KCNMB2: variants seen among roughly 807,000 people sequenced by gnomAD.
The protein encoded by KCNMB2 is potassium calcium-activated channel subfamily M regulatory beta subunit 2.
KCNMB2 carries 9 observed loss-of-function variants against 24.5 expected under a neutral mutation model. That is an observed-to-expected ratio of 0.37 (90% CI 0.22 to 0.64). The LOEUF (loss-of-function observed/expected upper bound fraction) is 0.64, where lower values mean the gene tolerates loss of function less well. Ranked by LOEUF, KCNMB2 falls within the 30% of genes least tolerant of loss-of-function variation. KCNMB2 has a pLI of 0.63. For missense variants in KCNMB2, 226 were observed against 284.3 expected, an observed-to-expected ratio of 0.79 and a Z score of 1.47; for synonymous variants, 109 against 104.4, an observed-to-expected ratio of 1.04 and a Z score of -0.27.
chr3:178,638,061 C>T (rs981240319), intron 1 of KCNMB2, among the ~76,000 whole-genome samples: 1 of 152,118 alleles, frequency 6.6e-6, no homozygotes, highest in Non-Finnish European at 1.5e-5. Flanking sequence ...ATAGCAGTTA[C>T]GTCCTCTTCA....
intron 1 of KCNMB2, among the ~76,000 whole-genome samples, chr3:178,749,985 G>A (rs1209501480): frequency 6.6e-6 from 1 of 152,202 alleles, no homozygotes; most frequent in Admixed American, 6.5e-5. Flanking sequence ...GCATGGACAT[G>A]AAAATCACAG....
rs115679725 is a variant in KCNMB2 at position 178,662,930 on chromosome 3, T to C, written c.-68+126219T>C. 5.2e-3 allele frequency among the ~76,000 whole-genome samples: 798 copies of C among 152,254 alleles called. 5 individuals carry two copies. The highest frequency in any genetic ancestry group is 0.018 in the African/African-American group (755 of 41,562). On this transcript the variant is annotated intron_variant, in intron 1 of 4. Coordinates refer to ENST00000452583, the MANE Select transcript of KCNMB2 (RefSeq NM_181361.3). The stretch of plus-strand genomic sequence containing the variant: ...AATGTATCAGGTAGCTACTATTATA[T>C]ACAAAACCACCCAGAAACACAGTAG...
intron 1 of KCNMB2, among the ~76,000 whole-genome samples, chr3:178,758,632 C>A (rs570099527): frequency 0.013 from 76 of 6,064 alleles, 7 homozygotes; most frequent in African/African-American, 0.024. Flanking sequence ...ATATATATAT[C>A]TCTCTCTCCA....
chr3:178,835,944 A>G (rs1715212899), intron 4 of KCNMB2, among the ~76,000 whole-genome samples: 1 of 152,172 alleles, frequency 6.6e-6, no homozygotes. Flanking sequence ...GCTACATGGT[A>G]TATTGGAGCC....
At chr3:178,661,546 T>G (rs146327649) in intron 1 of KCNMB2, among the ~76,000 whole-genome samples, 1 of 152,294 alleles carries the variant, frequency 6.6e-6, no homozygotes, top group African/African-American at 2.4e-5. Flanking sequence ...ATATAGACAG[T>G]AGATAAACAA....
In KCNMB2 at chr3:178,631,063, G is replaced by A. The variant is rs533622933; in HGVS notation, c.-68+94352G>A. On this transcript the variant is annotated intron_variant, in intron 1 of 4. Transcript: ENST00000452583. Reference sequence around the variant, plus strand: ...TAAAACTATATAGCATTTTTAATACGGAGAAAGTGTTTCTACTCTCCCTGA... The same window carrying A: ...TAAAACTATATAGCATTTTTAATACAGAGAAAGTGTTTCTACTCTCCCTGA... Among the ~76,000 whole-genome samples, 17 of 152,164 alleles carry A rather than the reference G, an allele frequency of 1.1e-4. No homozygotes were observed. The East Asian group carries it at 1.5e-3, about 14-fold the overall frequency.
At chr3:178,836,973 T>C (rs1448045106) in intron 4 of KCNMB2, among the ~76,000 whole-genome samples, 1 of 152,152 alleles carries the variant, frequency 6.6e-6, no homozygotes, top group Non-Finnish European at 1.5e-5. Flanking sequence ...AATCATAAGA[T>C]AACTAAATCT....
intron 1 of KCNMB2, among the ~76,000 whole-genome samples, chr3:178,723,864 T>C (rs1722884280): frequency 6.6e-6 from 1 of 152,186 alleles, no homozygotes; most frequent in African/African-American, 2.4e-5. Flanking sequence ...GTATGTATAC[T>C]GTTCTTTATC....
intron 1 of KCNMB2, among the ~76,000 whole-genome samples, chr3:178,789,941 C>T (rs929217981): frequency 1.3e-5 from 2 of 151,772 alleles, no homozygotes; most frequent in African/African-American, 2.4e-5. Context: ...TAAGGGAGTA[C>T]TTGTGTCACC....
At position 178,667,883 on chromosome 3, in the gene KCNMB2, A is replaced by G. The variant is rs547465837; in HGVS notation, c.-68+131172A>G. Among the ~76,000 whole-genome samples, 39 of 152,250 alleles carry G rather than the reference A, an allele frequency of 2.6e-4. 1 individual carries two copies. The South Asian group carries it at 7.9e-3, about 31-fold the overall frequency. On this transcript the variant is annotated intron_variant, in intron 1 of 4. Transcript: ENST00000452583. ...CTACCTCAGGGTTTCTGGTTGGCCA[A>G]GGCTGACAGACAAACAGTCCACAGT...
chr3:178,762,490 T>C (rs112277287), intron 1 of KCNMB2, among the ~76,000 whole-genome samples: 7 of 152,268 alleles, frequency 4.6e-5, no homozygotes, highest in African/African-American at 1.4e-4. Flanking sequence ...TCAAGAGCAA[T>C]GGAAAACCAT....
intron 1 of KCNMB2, among the ~76,000 whole-genome samples, chr3:178,588,320 T>G (rs1055668725): frequency 5.3e-5 from 8 of 152,046 alleles, no homozygotes; most frequent in African/African-American, 1.9e-4. Context: ...AGAGTCCTAT[T>G]AGTGTATAAT....
intron 1 of KCNMB2, among the ~76,000 whole-genome samples, chr3:178,660,217 T>C (rs916113073): frequency 3.9e-5 from 6 of 152,218 alleles, no homozygotes; most frequent in East Asian, 1.9e-4. Context: ...AGTATTTACA[T>C]TGCAGAGTTT....
intron 1 of KCNMB2, among the ~76,000 whole-genome samples, chr3:178,618,716 T>G (rs902896237): frequency 6.6e-6 from 1 of 152,376 alleles, no homozygotes; most frequent in South Asian, 2.1e-4. Context: ...CTACTGCTTT[T>G]TATAGCCTTT....
At chr3:178,568,695 T>G (rs1360306305) in intron 1 of KCNMB2, among the ~76,000 whole-genome samples, 1 of 150,090 alleles carries the variant, frequency 6.7e-6, no homozygotes, top group Non-Finnish European at 1.5e-5. Flanking sequence ...CTTATTGAAC[T>G]AATAAATGCA....
chr3:178,698,689 A>C (rs1721972784), intron 1 of KCNMB2, among the ~76,000 whole-genome samples: 1 of 151,960 alleles, frequency 6.6e-6, no homozygotes, highest in Non-Finnish European at 1.5e-5. Flanking sequence ...GAAAGAAAGC[A>C]CTCTGCATTT....
At chr3:178,834,501 CA>C (rs1342524093) in intron 4 of KCNMB2, among the ~76,000 whole-genome samples, 3 of 151,944 alleles carry the variant, frequency 2.0e-5, no homozygotes, top group African/African-American at 7.3e-5. Context: ...CATCCTATTC[CA>C]AGAGGCACTT....
intron 1 of KCNMB2, among the ~76,000 whole-genome samples, chr3:178,625,103 G>A (rs1009662325): frequency 6.6e-6 from 1 of 152,014 alleles, no homozygotes; most frequent in Non-Finnish European, 1.5e-5. Context: ...TTCCTCCCTT[G>A]CACCCTCTGC....
At chr3:178,633,909 A>G (rs1272384993) in intron 1 of KCNMB2, among the ~76,000 whole-genome samples, 1 of 152,202 alleles carries the variant, frequency 6.6e-6, no homozygotes, top group Non-Finnish European at 1.5e-5. Flanking sequence ...ATATCTCTCA[A>G]GTTCAAAGTT....
Sources: gnomAD v4.1 joint callset for allele counts (sites outside exome capture counted in the v4.1 genomes callset) on GRCh38, gnomAD v4.1.1 for gene constraint, MANE v1.5 for transcripts, NCBI Gene and HGNC (gene_info 2026-07-23, HGNC 2026-07-21) for gene names.